ROR1: variants seen among roughly 807,000 people sequenced by gnomAD.
The protein encoded by ROR1 is inactive tyrosine-protein kinase transmembrane receptor ROR1.
A neutral mutation model predicts 78.8 loss-of-function variants in ROR1; 19 were observed. That is an observed-to-expected ratio of 0.24 (90% CI 0.17 to 0.35). The LOEUF (loss-of-function observed/expected upper bound fraction) is 0.35, where lower values mean the gene tolerates loss of function less well. ROR1 is among the 10% of genes least tolerant of loss of function. ROR1 has a pLI of 1.00. For synonymous variants in ROR1, 386 were observed against 433.6 expected (o/e 0.89, Z 1.36); for missense variants, 917 against 1,177.8 (o/e 0.78, Z 3.24).
chr1:64,113,467 G>A (rs1053586601), intron 4 of ROR1, among the ~76,000 whole-genome samples: 5 of 152,166 alleles, frequency 3.3e-5, no homozygotes, highest in Non-Finnish European at 4.4e-5. Flanking sequence ...CTGCAAGTTA[G>A]TGTGGTCGTT....
rs35457041 is a variant in ROR1 at position 63,887,135 on chromosome 1, T to A, written c.91+112627T>A. Among the ~76,000 whole-genome samples, 1,352 of 152,214 alleles carry A rather than the reference T, an allele frequency of 8.9e-3. 10 individuals are homozygous for A. Among genetic ancestry groups the A allele is most frequent in the South Asian group, 0.015 (74 of 4,826 alleles). ...GTGGAAAGTGGGCACAGACCACCTT[T>A]GAGGGACAAAGGGGCGGTTGTCTGA... On this transcript the variant is annotated intron_variant, in intron 1 of 8. Transcript: ENST00000371079.
At chr1:64,049,621 G>A in intron 2 of ROR1, 70 bp from the exon 3 acceptor site, 3 of 1,367,402 alleles carry the variant, frequency 2.2e-6, no homozygotes, top group Non-Finnish European at 3.1e-6. Context: ...TACACTGGAG[G>A]GGATTTGGCT....
At chr1:63,897,620 G>C (rs575031373) in intron 1 of ROR1, among the ~76,000 whole-genome samples, 1 of 152,254 alleles carries the variant, frequency 6.6e-6, no homozygotes, top group Non-Finnish European at 1.5e-5. Flanking sequence ...AACACCTACT[G>C]TGGAGCTAGG....
At chr1:63,997,004 G>A (rs1174666187) in intron 1 of ROR1, among the ~76,000 whole-genome samples, 3 of 152,034 alleles carry the variant, frequency 2.0e-5, no homozygotes, top group African/African-American at 7.2e-5. Flanking sequence ...TTCTGTGTAC[G>A]GACTTTCTTG....
At chr1:63,867,510 TAATGTTG>T (rs1645223650) in intron 1 of ROR1, among the ~76,000 whole-genome samples, 1 of 152,226 alleles carries the variant, frequency 6.6e-6, no homozygotes, top group South Asian at 2.1e-4. Flanking sequence ...CATGAAAAGA[TAATGTTG>T]AATGGGAAAA....
intron 2 of ROR1, among the ~76,000 whole-genome samples, chr1:64,046,997 C>G (rs999433225): frequency 1.3e-5 from 2 of 152,226 alleles, no homozygotes; most frequent in African/African-American, 4.8e-5. Flanking sequence ...TGGTCCAGAA[C>G]TGGCCAGCTG....
chr1:63,935,576 C>T (rs186313137), intron 1 of ROR1, among the ~76,000 whole-genome samples: 33 of 152,228 alleles, frequency 2.2e-4, no homozygotes, highest in Non-Finnish European at 3.8e-4. Context: ...GGTAGTTTAC[C>T]AAGAAGGCCT....
At chr1:63,910,167 A>T (rs1473370904) in intron 1 of ROR1, among the ~76,000 whole-genome samples, 3 of 152,178 alleles carry the variant, frequency 2.0e-5, no homozygotes, top group African/African-American at 7.2e-5. Flanking sequence ...GCTACATTTA[A>T]CAGGTACTAG....
chr1:64,043,012 C>T (rs1329782339), intron 2 of ROR1, among the ~76,000 whole-genome samples: 1 of 152,202 alleles, frequency 6.6e-6, no homozygotes, highest in Non-Finnish European at 1.5e-5. Context: ...TTGGCATGTG[C>T]CTCTTTTGAT....
At chr1:63,815,769 G>T (rs1377128661) in intron 1 of ROR1, among the ~76,000 whole-genome samples, 2 of 152,012 alleles carry the variant, frequency 1.3e-5, no homozygotes, top group African/African-American at 2.4e-5. Context: ...GTTCAGGGGT[G>T]AGTATGGAAT....
chr1:64,123,398 G>A (rs1648610913), intron 4 of ROR1, among the ~76,000 whole-genome samples: 2 of 152,094 alleles, frequency 1.3e-5, no homozygotes, highest in South Asian at 4.1e-4. Flanking sequence ...ATTATTCTTG[G>A]AATTTAGAAA....
intron 1 of ROR1, among the ~76,000 whole-genome samples, chr1:63,969,559 C>T (rs1646102218): frequency 6.6e-6 from 1 of 152,110 alleles, no homozygotes; most frequent in Non-Finnish European, 1.5e-5. Context: ...GTGTCATCTC[C>T]ACTTCTCTTC....
At chr1:64,113,699 G>A (rs1390569543) in intron 4 of ROR1, 1 of 151,578 alleles carries the variant, frequency 6.6e-6, no homozygotes, top group Non-Finnish European at 1.5e-5. Flanking sequence ...TTTTCATGTG[G>A]CTTCAAAGAC....
chr1:63,775,320 C>A (rs557594673), intron 1 of ROR1: 1 of 152,338 alleles, frequency 6.6e-6, no homozygotes, highest in South Asian at 2.1e-4. Context: ...TAGTTCGCTG[C>A]GGGAAGCTGG....
chr1:63,798,429 T>TG (rs1557501863), intron 1 of ROR1, among the ~76,000 whole-genome samples: 1 of 151,970 alleles, frequency 6.6e-6, no homozygotes, highest in Non-Finnish European at 1.5e-5. Context: ...TTGCAGTTTT[T>TG]GGGGGAGGAG....
chr1:63,993,859 G>A (rs779333900), intron 1 of ROR1, among the ~76,000 whole-genome samples: 5 of 152,136 alleles, frequency 3.3e-5, no homozygotes, highest in Admixed American at 6.6e-5. Flanking sequence ...TTTCATGTAT[G>A]TTTGAGGGCA....
chr1:64,045,926 G>T (rs1646779416), intron 2 of ROR1, among the ~76,000 whole-genome samples: 1 of 152,048 alleles, frequency 6.6e-6, no homozygotes, highest in Non-Finnish European at 1.5e-5. Flanking sequence ...GCAGTCTAGG[G>T]AAGAAGGGAA....
At chr1:63,963,280 A>C (rs1369155443) in intron 1 of ROR1, among the ~76,000 whole-genome samples, 1 of 152,144 alleles carries the variant, frequency 6.6e-6, no homozygotes, top group African/African-American at 2.4e-5. Flanking sequence ...TAGAAAAATA[A>C]TTCTGGGCTG....
At chr1:63,881,874 T>A (rs571668319) in intron 1 of ROR1, among the ~76,000 whole-genome samples, 1 of 152,278 alleles carries the variant, frequency 6.6e-6, no homozygotes, top group African/African-American at 2.4e-5. Flanking sequence ...ATTCTGAGGC[T>A]TTGTCTGGAC....
Sources: gnomAD v4.1 joint callset for allele counts (sites outside exome capture counted in the v4.1 genomes callset) on GRCh38, gnomAD v4.1.1 for gene constraint, MANE v1.5 for transcripts, NCBI Gene and HGNC (gene_info 2026-07-23, HGNC 2026-07-21) for gene names.